The following PCDHGA9 variants were observed in gnomAD, a reference collection of about 807,000 sequenced individuals.
PCDHGA9 encodes protocadherin gamma-A9.
A neutral mutation model predicts 62.5 loss-of-function variants in PCDHGA9; 37 were observed. The ratio of observed to expected loss-of-function variants is 0.59; its 90% CI spans 0.46 to 0.78. The LOEUF is 0.78. Among genes scored for constraint, PCDHGA9 ranks in the 30% least tolerant of loss-of-function variants. The pLI is 0.00. For missense variants in PCDHGA9, 1,138 were observed against 1,166.2 expected (o/e 0.98, Z 0.35); for synonymous variants, 459 against 484.6 (o/e 0.95, Z 0.69).
At chr5:141,422,424 T>G (rs1182660567) in intron 1 of PCDHGA9, 3 of 1,607,958 alleles carry the variant, frequency 1.9e-6, no homozygotes, top group Non-Finnish European at 2.5e-6. Flanking sequence ...AAAAGACTTA[T>G]GGAAATTATT....
chr5:141,412,906 TG>T (rs2095588206), intron 1 of PCDHGA9: 2 of 384,208 alleles, frequency 5.2e-6, no homozygotes, highest in Admixed American at 8.2e-5. Context: ...TTCCATTGCA[TG>T]TATCACTTGG....
chr5:141,419,419 C>A (rs767018815), intron 1 of PCDHGA9: 1 of 1,613,384 alleles, frequency 6.2e-7, no homozygotes. Context: ...AGCGCGCCTT[C>A]GACCACGAGC....
In PCDHGA9 at chr5:141,510,834, G is replaced by A. The variant is rs1043468083; in HGVS notation, c.2573-113G>A. 49 of 1,581,762 alleles carry A rather than the reference G, an allele frequency of 3.1e-5. 1 individual carries two copies. The highest frequency in any genetic ancestry group is 4.0e-5 in the Non-Finnish European group (46 of 1,161,670). On this transcript the variant is annotated intron_variant, in intron 3 of 3. Coordinates refer to ENST00000573521, the MANE Select transcript of PCDHGA9 (RefSeq NM_018921.3). ...GACCCCTATATTCCCAGTGCTCAGC[G>A]TGGTCAAGGCCCAGGGTGCTGTATA...
chr5:141,413,555 T>C (rs1270604020), intron 1 of PCDHGA9: 1 of 1,613,852 alleles, frequency 6.2e-7, no homozygotes. Flanking sequence ...GAAATAGAAG[T>C]AACTGATATC....
Position 141,468,058 on chromosome 5 carries a change from C to T in PCDHGA9, c.2425-26749C>T, listed in dbSNP as rs993225792. ...TAGAAAACTAAGCCGGGCACAGTGG[C>T]TCACACCTGTAATCCCAGCACTTTG... On this transcript the variant is annotated intron_variant, in intron 1 of 3. Transcript: ENST00000573521. 1.1e-4 allele frequency among the ~76,000 whole-genome samples: 16 copies of T among 152,140 alleles called. 2 individuals carry two copies. The highest frequency in any genetic ancestry group is 5.2e-4 in the Admixed American group (8 of 15,276).
chr5:141,432,622 G>A lies in PCDHGA9; in HGVS notation c.2424+27246G>A. 6.2e-7 allele frequency: 1 copy of A among 1,612,776 alleles called. No individual in the cohort carries two copies. The stretch of plus-strand genomic sequence containing the variant: ...AGCCGGGACTCTTCTCGGTGGGTCT[G>A]CACACGGGCGAGGTGCGCACGGCGC... On this transcript the variant is annotated intron_variant, in intron 1 of 3. Transcript: ENST00000573521. This position sits in a 1 kb window ranked among gnomAD's most constrained non-coding sequence, Gnocchi z 6.0.
chr5:141,408,973 T>G lies in PCDHGA9; in HGVS notation c.2424+3597T>G, dbSNP rs754120948. 4.3e-5 allele frequency: 70 copies of G among 1,613,718 alleles called. No homozygotes were observed. In the Admixed American group the frequency reaches 6.5e-4, roughly 15 times the overall value. ...TTAGTCTTAGTGAAAATCTGCCCCC[T>G]GGGTCCCCTGTGTTGCAAGTGACAG... On this transcript the variant is annotated intron_variant, in intron 1 of 3. Transcript: ENST00000573521.
chr5:141,503,130 C>A (rs1406819266), intron 2 of PCDHGA9, among the ~76,000 whole-genome samples: 1 of 151,980 alleles, frequency 6.6e-6, no homozygotes, highest in Non-Finnish European at 1.5e-5. Context: ...CCTCTGGTAG[C>A]CCCTGACACA....
At chr5:141,480,935 C>G (rs1297213622) in intron 1 of PCDHGA9, among the ~76,000 whole-genome samples, 1 of 152,092 alleles carries the variant, frequency 6.6e-6, no homozygotes, top group Non-Finnish European at 1.5e-5. Flanking sequence ...GTCCCAGCTA[C>G]TCTAGAGGCT....
chr5:141,469,213 G>C (rs866405809), intron 1 of PCDHGA9, among the ~76,000 whole-genome samples: 4 of 150,912 alleles, frequency 2.7e-5, no homozygotes, highest in African/African-American at 9.7e-5. Flanking sequence ...TGAAGTTGAG[G>C]CTTCAGTGAG....
chr5:141,408,824 C>T, intron 1 of PCDHGA9: 1 of 1,613,560 alleles, frequency 6.2e-7, no homozygotes, highest in South Asian at 1.1e-5. Context: ...ACAGAGATCT[C>T]ATAGCTTGAT....
At position 141,477,850 on chromosome 5, in the gene PCDHGA9, G is replaced by A; in HGVS notation, c.2425-16957G>A. On this transcript the variant is annotated intron_variant, in intron 1 of 3. Transcript: ENST00000573521. The surrounding 1 kb of genome is among the most constrained non-coding windows in gnomAD (Gnocchi z 4.9). ...CTCGGCCAGGTGGGAGCTCGGTGGAGATGCTGCCTCGAGGTACCTCAGCTG... is the reference window on the plus strand; with the variant it reads ...CTCGGCCAGGTGGGAGCTCGGTGGAAATGCTGCCTCGAGGTACCTCAGCTG... 6.2e-7 allele frequency: 1 copy of A among 1,613,446 alleles called. No homozygotes were observed. Among genetic ancestry groups the A allele is most frequent in the Admixed American group, 1.7e-5 (1 of 59,958 alleles).
chr5:141,409,857 T>C (rs761331515), intron 1 of PCDHGA9: 2 of 1,612,228 alleles, frequency 1.2e-6, no homozygotes, highest in African/African-American at 2.7e-5. Context: ...CGCGTGTTGG[T>C]GGGAGACCGC....
chr5:141,505,557 A>C (rs2099846692), intron 3 of PCDHGA9, 76 bp downstream of exon 3: 1 of 1,606,080 alleles, frequency 6.2e-7, no homozygotes, highest in Non-Finnish European at 8.5e-7. Flanking sequence ...CACCATGCCC[A>C]CGGACTGGAT....
intron 1 of PCDHGA9, chr5:141,417,649 C>G (rs1294192479): frequency 1.2e-6 from 1 of 826,168 alleles, no homozygotes; most frequent in East Asian, 2.8e-5. Flanking sequence ...CCCTCAGCCT[C>G]TAGCCTGGGA....
At chr5:141,406,255 A>G (rs1456869005) in intron 1 of PCDHGA9, among the ~76,000 whole-genome samples, 1 of 151,948 alleles carries the variant, frequency 6.6e-6, no homozygotes, top group Admixed American at 6.5e-5. Context: ...ACTGGTCTCA[A>G]ACGATCTTCC....
intron 1 of PCDHGA9, chr5:141,415,634 C>T: frequency 6.3e-7 from 1 of 1,589,948 alleles, no homozygotes; most frequent in East Asian, 2.3e-5. Flanking sequence ...TTCATTTTTA[C>T]TTTTGTTAAA....
rs762121534 is a variant in PCDHGA9, at chr5:141,403,984, A to G, written c.1032A>G (p.Arg344=). 1.7e-5 allele frequency: 27 copies of G among 1,613,774 alleles called. No homozygotes were observed. The South Asian group carries it at 2.7e-4, about 16-fold the overall frequency. The change falls in exon 1 of 4, where the codon AGA becomes AGG. Residue 344 remains arginine, a synonymous_variant. Coordinates refer to ENST00000573521, the MANE Select transcript of PCDHGA9 (RefSeq NM_018921.3). Reference sequence around the variant, plus strand: ...CGGTGGAAGATGTAAATGACAATAGACCTGAAGTGACCATTACATCTCTGT... The same window carrying G: ...CGGTGGAAGATGTAAATGACAATAGGCCTGAAGTGACCATTACATCTCTGT... ...LISVEDVNDN[R]PEVTITSLFS...
At chr5:141,422,301 G>A (rs777697738) in intron 1 of PCDHGA9, 36 of 1,549,184 alleles carry the variant, frequency 2.3e-5, no homozygotes, top group Non-Finnish European at 3.1e-5. Flanking sequence ...ATTCAATTCT[G>A]GAAAACTCTC....
Sources: allele counts gnomAD v4.1 joint callset (sites outside exome capture counted in the v4.1 genomes callset), GRCh38; gene constraint gnomAD v4.1.1; non-coding constraint Gnocchi (gnomAD v3.1); transcripts MANE v1.5; gene names NCBI Gene and HGNC (gene_info 2026-07-23, HGNC 2026-07-21).